Variants in COL19A1 observed in about 807,000 individuals in gnomAD.
COL19A1 encodes collagen type XIX alpha 1 chain.
A neutral mutation model predicts 190.2 loss-of-function variants in COL19A1; 159 were observed. The observed-to-expected ratio is 0.84, with a 90% CI of 0.73 to 0.95. COL19A1 has a LOEUF of 0.95. COL19A1 is among the 40% of genes least tolerant of loss of function. COL19A1 has a pLI of 0.00. For synonymous variants in COL19A1, 509 were observed against 458.9 expected, an observed-to-expected ratio of 1.11 and a Z score of -1.39; for missense variants, 1,418 against 1,431.9, an observed-to-expected ratio of 0.99 and a Z score of 0.16.
intron 12 of COL19A1, among the ~76,000 whole-genome samples, chr6:70,024,854 A>G (rs77626718): frequency 0.017 from 2,518 of 152,146 alleles, 73 homozygotes; most frequent in African/African-American, 0.058. Context: ...TGAATGTCAC[A>G]CATGTTTAAA....
intron 16 of COL19A1, among the ~76,000 whole-genome samples, chr6:70,114,194 CT>C (rs1480186821): frequency 6.6e-6 from 1 of 152,112 alleles, no homozygotes; most frequent in Non-Finnish European, 1.5e-5. Context: ...CCATTCTTTT[CT>C]TGGCCCTTAG....
At chr6:70,039,085 A>G (rs2150121229) in intron 14 of COL19A1, among the ~76,000 whole-genome samples, 1 of 152,152 alleles carries the variant, frequency 6.6e-6, no homozygotes, top group Non-Finnish European at 1.5e-5. Flanking sequence ...ATGGTTCTCT[A>G]TCTTGACTGC....
intron 11 of COL19A1, among the ~76,000 whole-genome samples, chr6:70,017,071 C>T (rs2150098678): frequency 6.6e-6 from 1 of 152,086 alleles, no homozygotes; most frequent in East Asian, 1.9e-4. Flanking sequence ...TTCATGGCAG[C>T]ATTATTTAGA....
intron 4 of COL19A1, among the ~76,000 whole-genome samples, chr6:69,926,094 A>T (rs1296795019): frequency 6.6e-6 from 1 of 152,080 alleles, no homozygotes; most frequent in Admixed American, 6.6e-5. Context: ...CTCCTGCATG[A>T]TTGCCCTGGC....
chr6:70,203,660 T>C (rs1396928686), intron 49 of COL19A1, among the ~76,000 whole-genome samples: 3 of 150,526 alleles, frequency 2.0e-5, no homozygotes, highest in Non-Finnish European at 4.4e-5. Context: ...GGCGCACAGA[T>C]TTACAACTTT....
intron 9 of COL19A1, among the ~76,000 whole-genome samples, chr6:69,953,447 C>T (rs1293059812): frequency 1.3e-5 from 2 of 151,986 alleles, no homozygotes; most frequent in Non-Finnish European, 2.9e-5. Context: ...CAGTGAAAAA[C>T]TATTGCTCTT....
intron 11 of COL19A1, among the ~76,000 whole-genome samples, chr6:69,973,555 T>G (rs1037125067): frequency 6.6e-6 from 1 of 152,188 alleles, no homozygotes. Context: ...AAGGCAACTC[T>G]CACATTTGTT....
At chr6:69,979,673 T>C (rs116773143) in intron 11 of COL19A1, among the ~76,000 whole-genome samples, 1 of 151,692 alleles carries the variant, frequency 6.6e-6, no homozygotes, top group African/African-American at 2.4e-5. Context: ...ATAAACTACC[T>C]TTTTTTACTA....
chr6:70,137,563 G>T (rs910413360), intron 18 of COL19A1, 122 bp from the exon 19 acceptor site: 1 of 872,086 alleles, frequency 1.1e-6, no homozygotes, highest in Non-Finnish European at 1.8e-6. Context: ...TGCATTGTCT[G>T]TTGGATGCTA....
At chr6:69,967,826 C>A (rs1562044015) in intron 11 of COL19A1, among the ~76,000 whole-genome samples, 1 of 152,106 alleles carries the variant, frequency 6.6e-6, no homozygotes, top group African/African-American at 2.4e-5. Flanking sequence ...GACCCGTATT[C>A]TTAGTTGATT....
At chr6:70,054,807 G>A (rs12190080) in intron 14 of COL19A1, among the ~76,000 whole-genome samples, 48,580 of 151,938 alleles carry the variant, frequency 0.32, 9,764 homozygotes, top group Non-Finnish European at 0.44. Context: ...GATTTTAAAG[G>A]TGAAAACTAA....
At position 70,146,894 on chromosome 6, in the gene COL19A1, G is replaced by A; in HGVS notation, c.1893+5G>A. On this transcript the variant is annotated splice_donor_5th_base_variant and intron_variant, in intron 27 of 50. Transcript: ENST00000620364. ...ATAGGAATTCCTGGCAGAACAGTAAGTGAAATTCATTCGAGTCCTTGTTGA... is the reference window on the plus strand; with the variant it reads ...ATAGGAATTCCTGGCAGAACAGTAAATGAAATTCATTCGAGTCCTTGTTGA... The A allele has an allele frequency of 6.4e-7, 1 of 1,565,136 alleles. No homozygotes were observed. The highest frequency in any genetic ancestry group is 8.6e-7 in the Non-Finnish European group (1 of 1,162,468).
intron 15 of COL19A1, among the ~76,000 whole-genome samples, chr6:70,069,010 C>T (rs931093609): frequency 2.6e-5 from 4 of 152,078 alleles, no homozygotes; most frequent in South Asian, 2.1e-4. Context: ...CACAGTAAAA[C>T]GAAGCCCTGC....
chr6:69,891,869 A>C (rs1251130759), intron 2 of COL19A1, among the ~76,000 whole-genome samples: 1 of 152,194 alleles, frequency 6.6e-6, no homozygotes, highest in African/African-American at 2.4e-5. Context: ...TTTAACTTCC[A>C]TTATTGTCTG....
At chr6:69,962,099 G>A (rs554355918) in intron 10 of COL19A1, among the ~76,000 whole-genome samples, 1 of 152,254 alleles carries the variant, frequency 6.6e-6, no homozygotes, top group South Asian at 2.1e-4. Flanking sequence ...ATGTTGTCAT[G>A]AGTGCCTGAC....
intron 9 of COL19A1, among the ~76,000 whole-genome samples, chr6:69,940,747 A>G (rs1364776927): frequency 6.6e-6 from 1 of 152,152 alleles, no homozygotes; most frequent in Non-Finnish European, 1.5e-5. Flanking sequence ...ACATGCACCC[A>G]CATTTGCTTA....
At chr6:69,984,619 T>C (rs1776217409) in intron 11 of COL19A1, among the ~76,000 whole-genome samples, 1 of 152,186 alleles carries the variant, frequency 6.6e-6, no homozygotes, top group African/African-American at 2.4e-5. Context: ...TCATTGTCAA[T>C]CTTTTGCCTG....
intron 2 of COL19A1, chr6:69,891,118 A>T: frequency 4.4e-6 from 1 of 226,330 alleles, no homozygotes; most frequent in Non-Finnish European, 9.6e-6. Flanking sequence ...TCAACATGAA[A>T]CAAGGGGAGG....
rs149420938 is a variant in COL19A1, at chr6:70,182,949, C to T, written c.2776-1754C>T. On this transcript the variant is annotated intron_variant, in intron 44 of 50. Coordinates refer to ENST00000620364, the MANE Select transcript of COL19A1 (RefSeq NM_001858.6). Reference sequence around the variant, plus strand: ...GTGTGGGGGTGCCAAAGTTGGGGTGCAAATCCATGAAGATTGACGCAACTG... The same window carrying T: ...GTGTGGGGGTGCCAAAGTTGGGGTGTAAATCCATGAAGATTGACGCAACTG... 1.9e-3 allele frequency among the ~76,000 whole-genome samples: 287 copies of T among 152,156 alleles called. 2 individuals are homozygous for T. The highest frequency in any genetic ancestry group is 6.7e-3 in the African/African-American group (280 of 41,506).
Sources: gnomAD v4.1 joint callset for allele counts (sites outside exome capture counted in the v4.1 genomes callset) on GRCh38, gnomAD v4.1.1 for gene constraint, MANE v1.5 for transcripts, NCBI Gene and HGNC (gene_info 2026-07-23, HGNC 2026-07-21) for gene names.